The following PDE8A variants were observed in gnomAD, a reference collection of about 807,000 sequenced individuals.
PDE8A encodes high affinity cAMP-specific and IBMX-insensitive 3',5'-cyclic phosphodiesterase 8A.
Under a neutral mutation model 105.0 loss-of-function variants are expected in PDE8A, and 59 were observed. The ratio of observed to expected loss-of-function variants is 0.56; its 90% confidence interval spans 0.46 to 0.70. The LOEUF (loss-of-function observed/expected upper bound fraction) is 0.70, where lower values mean the gene tolerates loss of function less well. PDE8A is among the 30% of genes least tolerant of loss of function. The pLI is 0.00. For missense variants in PDE8A, 1,014 were observed against 1,045.9 expected, an observed-to-expected ratio of 0.97 and a Z score of 0.42; for synonymous variants, 355 against 371.9, an observed-to-expected ratio of 0.95 and a Z score of 0.52.
chr15:85,078,511 C>CA (rs1212333950), intron 5 of PDE8A, among the ~76,000 whole-genome samples: 2 of 128,722 alleles, frequency 1.6e-5, no homozygotes, highest in Non-Finnish European at 3.1e-5. Flanking sequence ...GATTGTGCCA[C>CA]TGCACTCCAG....
intron 20 of PDE8A, among the ~76,000 whole-genome samples, chr15:85,128,195 G>T (rs2082284294): frequency 6.6e-6 from 1 of 152,040 alleles, no homozygotes; most frequent in Admixed American, 6.6e-5. Flanking sequence ...AGTGGACAAA[G>T]ATTTCTTAGA....
intron 8 of PDE8A, among the ~76,000 whole-genome samples, chr15:85,093,156 G>C (rs1015522129): frequency 1.3e-5 from 2 of 152,140 alleles, no homozygotes; most frequent in African/African-American, 4.8e-5. Flanking sequence ...CCGATAATCG[G>C]CCACCCAAAG....
intron 1 of PDE8A, among the ~76,000 whole-genome samples, chr15:85,061,683 A>AT (rs1300366232): frequency 6.6e-6 from 1 of 151,910 alleles, no homozygotes; most frequent in African/African-American, 2.4e-5. Flanking sequence ...TTCTTCATAC[A>AT]TTTTTTCTTT....
chr15:85,104,923 C>T (rs1465677885), intron 11 of PDE8A, among the ~76,000 whole-genome samples: 1 of 152,062 alleles, frequency 6.6e-6, no homozygotes, highest in African/African-American at 2.4e-5. Flanking sequence ...CATCCAAACT[C>T]AGTGCAGTTG....
At chr15:85,014,293 C>T (rs567978201) in intron 1 of PDE8A, among the ~76,000 whole-genome samples, 35 of 152,144 alleles carry the variant, frequency 2.3e-4, no homozygotes, top group African/African-American at 7.9e-4. Flanking sequence ...AGTACAGGTG[C>T]GGGCCACTAG....
chr15:85,134,796 AGTT>A (rs918861005), intron 20 of PDE8A, among the ~76,000 whole-genome samples: 14 of 152,078 alleles, frequency 9.2e-5, no homozygotes, highest in Admixed American at 7.2e-4. Flanking sequence ...AGCCGGAGTG[AGTT>A]GTTGTGCACA....
chr15:85,023,199 C>T (rs575441312), intron 1 of PDE8A, among the ~76,000 whole-genome samples: 13 of 152,264 alleles, frequency 8.5e-5, no homozygotes, highest in African/African-American at 2.6e-4. Context: ...AGCAGGTACA[C>T]GTCTTGAGGA....
At chr15:85,046,275 C>G (rs2080886659) in intron 1 of PDE8A, among the ~76,000 whole-genome samples, 1 of 152,082 alleles carries the variant, frequency 6.6e-6, no homozygotes. Flanking sequence ...TCTTGAGCTC[C>G]TGACCTCAGG....
chr15:85,108,728 C>G (rs530006948), intron 11 of PDE8A, among the ~76,000 whole-genome samples: 1 of 152,124 alleles, frequency 6.6e-6, no homozygotes, highest in African/African-American at 2.4e-5. Context: ...ATTTTCCCAT[C>G]ATTTTATTCA....
chr15:85,136,656 T>G lies in PDE8A; in HGVS notation c.2376T>G (p.Ala792=). Reference sequence around the variant, plus strand: ...ACTTCATCACAGACATGTTTGATGCTTGGGATGGTAAGAAATCTTCCTTAA... The same window carrying G: ...ACTTCATCACAGACATGTTTGATGCGTGGGATGGTAAGAAATCTTCCTTAA... ...IDYFITDMFD[A]WDAFVDLPDL... is the part of the protein sequence containing the mutation. The change falls in exon 21 of 22, where the codon GCT becomes GCG. Residue 792 remains alanine, a synonymous_variant. Transcript: ENST00000394553. The G allele has an allele frequency of 6.2e-7, 1 of 1,613,504 alleles. No individual in the cohort carries two copies. The highest frequency in any genetic ancestry group is 8.5e-7 in the Non-Finnish European group (1 of 1,179,750).
chr15:85,008,217 T>C (rs921537002), intron 1 of PDE8A, among the ~76,000 whole-genome samples: 3 of 151,938 alleles, frequency 2.0e-5, no homozygotes, highest in Non-Finnish European at 4.4e-5. Context: ...TCCAGGACTT[T>C]CCCTACAGTG....
At chr15:85,136,351 C>T (rs916311399) in intron 20 of PDE8A, among the ~76,000 whole-genome samples, 183 bp from the exon 21 acceptor site, 1 of 152,148 alleles carries the variant, frequency 6.6e-6, no homozygotes, top group East Asian at 1.9e-4. Context: ...ATGGAGTAGT[C>T]CTCATTCTGA....
chr15:85,103,315 A>G (rs1392552395), intron 11 of PDE8A, among the ~76,000 whole-genome samples: 2 of 152,182 alleles, frequency 1.3e-5, no homozygotes, highest in African/African-American at 2.4e-5. Context: ...AGTCAGAGGA[A>G]ATGTTCGGCA....
chr15:85,056,427 C>G (rs1394158204), intron 1 of PDE8A, among the ~76,000 whole-genome samples: 2 of 152,150 alleles, frequency 1.3e-5, no homozygotes, highest in Admixed American at 6.6e-5. Flanking sequence ...TCCATTCTCC[C>G]CATCAATTTC....
intron 1 of PDE8A, among the ~76,000 whole-genome samples, chr15:85,002,868 A>G (rs949275227): frequency 3.3e-5 from 5 of 152,250 alleles, no homozygotes; most frequent in African/African-American, 1.2e-4. Flanking sequence ...GAGCTGCTCC[A>G]GAGCTGTTTC....
At chr15:85,044,038 TA>T (rs1472705509) in intron 1 of PDE8A, among the ~76,000 whole-genome samples, 1 of 152,132 alleles carries the variant, frequency 6.6e-6, no homozygotes, top group African/African-American at 2.4e-5. Flanking sequence ...AAATACAGTT[TA>T]AAAAAATGCC....
intron 11 of PDE8A, among the ~76,000 whole-genome samples, chr15:85,101,746 G>T (rs2081865669): frequency 6.6e-6 from 1 of 152,142 alleles, no homozygotes; most frequent in African/African-American, 2.4e-5. Context: ...ACAGTAGGAA[G>T]AGAGAAGAGA....
chr15:85,128,497 A>G (rs1373773282), intron 20 of PDE8A, among the ~76,000 whole-genome samples: 1 of 151,846 alleles, frequency 6.6e-6, no homozygotes, highest in African/African-American at 2.4e-5. Flanking sequence ...CTGTGTCTTA[A>G]TAAAAAGAAA....
In PDE8A at chr15:85,091,077, T is replaced by C. The variant is rs117384144; in HGVS notation, c.748T>C (p.Tyr250His). ...ANPAFETTMG[Y>H]QSGELIGKEL... Reference sequence around the variant, plus strand: ...TCCTGCATTTGAAACAACAATGGGCTATCAGTCAGGTGAATTAATAGGGAA... The same window carrying C: ...TCCTGCATTTGAAACAACAATGGGCCATCAGTCAGGTGAATTAATAGGGAA... Residue 250 changes from tyrosine to histidine, a missense_variant, in exon 8 of 22, where the codon TAT (tyrosine) becomes CAT (histidine). Transcript: ENST00000394553. 3.1e-6 allele frequency: 5 copies of C among 1,612,344 alleles called. No individual in the cohort carries two copies. In the African/African-American group the frequency reaches 6.7e-5, roughly 22 times the overall value.
Sources: allele counts gnomAD v4.1 joint callset (sites outside exome capture counted in the v4.1 genomes callset), GRCh38; gene constraint gnomAD v4.1.1; transcripts MANE v1.5; gene names NCBI Gene and HGNC (gene_info 2026-07-23, HGNC 2026-07-21).